The following ITPR1 variants were observed in gnomAD, a reference collection of about 807,000 sequenced individuals.
ITPR1 encodes the protein inositol 1,4,5-trisphosphate-gated calcium channel ITPR1.
Under a neutral mutation model 318.4 loss-of-function variants are expected in ITPR1, and 96 were observed. That is an observed-to-expected ratio of 0.30 (90% CI 0.26 to 0.36). ITPR1 has a LOEUF of 0.36. ITPR1 is among the 10% of genes least tolerant of loss of function. The pLI, the probability that ITPR1 is intolerant of heterozygous loss-of-function variation, is 1.00. For synonymous variants in ITPR1, 1,312 were observed against 1,289.9 expected (o/e 1.02, Z -0.37); for missense variants, 2,440 against 3,460.2 (o/e 0.71, Z 7.40).
chr3:4,712,016 T>C (rs1051105577), intron 39 of ITPR1, 148 bp downstream of exon 39: 24 of 523,516 alleles, frequency 4.6e-5, no homozygotes. Flanking sequence ...AAGCTGTTTA[T>C]CCTGCCGTTA....
rs139070932 is a variant in ITPR1 at position 4,495,706 on chromosome 3, G to A, written c.-17+1200G>A. ...GCCATGTATCTCAGAAACCCTGTGC[G>A]TCAGATGCAGGTGAAGAAACTGAGG... is the stretch of plus-strand genomic sequence containing the variant. On this transcript the variant is annotated intron_variant, in intron 2 of 61. Coordinates refer to ENST00000649015, the MANE Select transcript of ITPR1 (RefSeq NM_001378452.1). Among the ~76,000 whole-genome samples, 13 of 152,310 alleles carry A rather than the reference G, an allele frequency of 8.5e-5. No homozygotes were observed. In the East Asian group the frequency reaches 1.5e-3, roughly 18 times the overall value.
At chr3:4,554,759 G>T (rs1461816714) in intron 4 of ITPR1, among the ~76,000 whole-genome samples, 1 of 152,126 alleles carries the variant, frequency 6.6e-6, no homozygotes, top group Non-Finnish European at 1.5e-5. Context: ...ATGACAACCT[G>T]CCCCTGATTT....
chr3:4,688,758 A>G (rs1239310311), intron 31 of ITPR1, 138 bp downstream of exon 31: 6 of 809,336 alleles, frequency 7.4e-6, no homozygotes, highest in Non-Finnish European at 1.1e-5. Context: ...GAACATTTTC[A>G]TCACTTATCA....
Position 4,826,756 on chromosome 3 carries a change from G to A in ITPR1, c.8028+8514G>A, listed in dbSNP as rs1315635688. Among the ~76,000 whole-genome samples the A allele has an allele frequency of 6.6e-6, 1 of 152,160 alleles. No homozygotes were observed. The highest frequency in any genetic ancestry group is 2.4e-5 in the African/African-American group (1 of 41,438). ...TTCATTGTGAGGCACTTGGCGTTTG[G>A]GCCCCGGTTCTGCACTGACCTCCCA... On this transcript the variant is annotated intron_variant, in intron 60 of 61. Coordinates refer to ENST00000649015, the MANE Select transcript of ITPR1 (RefSeq NM_001378452.1). The surrounding 1 kb of genome is among the most constrained non-coding windows in gnomAD (Gnocchi z 4.2).
At chr3:4,567,318 G>A (rs906541061) in intron 4 of ITPR1, among the ~76,000 whole-genome samples, 3 of 152,190 alleles carry the variant, frequency 2.0e-5, no homozygotes, top group African/African-American at 4.8e-5. Context: ...TAAAAGACGT[G>A]ATTGCTAATA....
At chr3:4,707,152 G>T (rs192101862) in intron 37 of ITPR1, among the ~76,000 whole-genome samples, 68 of 152,316 alleles carry the variant, frequency 4.5e-4, no homozygotes, top group African/African-American at 1.6e-3. Flanking sequence ...CTACCTCGTG[G>T]GGTTGATGTG....
At chr3:4,635,409 C>T (rs568359627) in intron 5 of ITPR1, among the ~76,000 whole-genome samples, 10 of 152,138 alleles carry the variant, frequency 6.6e-5, no homozygotes, top group South Asian at 2.1e-4. Context: ...GGCACGATCT[C>T]GGCTCACTGC....
intron 44 of ITPR1, among the ~76,000 whole-genome samples, chr3:4,739,812 C>G (rs894135500): frequency 6.6e-6 from 1 of 152,082 alleles, no homozygotes; most frequent in Non-Finnish European, 1.5e-5. Context: ...AGGGGGTTGA[C>G]TGGTCTTAGA....
At chr3:4,795,297 T>A in intron 53 of ITPR1, 110 bp downstream of exon 53, 4 of 934,604 alleles carry the variant, frequency 4.3e-6, no homozygotes, top group South Asian at 2.7e-5. Flanking sequence ...GGATCCCAGT[T>A]ATCCACATTC....
chr3:4,654,319 C>T (rs1397578506), intron 12 of ITPR1, among the ~76,000 whole-genome samples: 1 of 152,212 alleles, frequency 6.6e-6, no homozygotes, highest in Non-Finnish European at 1.5e-5. Flanking sequence ...GGAGGTAACA[C>T]ATGAGGCTTA....
intron 44 of ITPR1, among the ~76,000 whole-genome samples, chr3:4,755,902 G>A (rs576938985): frequency 9.2e-5 from 14 of 152,232 alleles, no homozygotes; most frequent in Non-Finnish European, 1.8e-4. Flanking sequence ...TCACTTCATC[G>A]CTTCCTTTCT....
chr3:4,769,727 G>A (rs558574010), intron 46 of ITPR1, among the ~76,000 whole-genome samples: 1 of 152,354 alleles, frequency 6.6e-6, no homozygotes, highest in African/African-American at 2.4e-5. Context: ...AGTAGGACTT[G>A]AACCCAGGTA....
chr3:4,716,134 C>G (rs2041744576), intron 39 of ITPR1, among the ~76,000 whole-genome samples: 1 of 152,072 alleles, frequency 6.6e-6, no homozygotes, highest in African/African-American at 2.4e-5. Context: ...AAAATTATAT[C>G]AGGACTTTAT....
chr3:4,648,025 GC>G (rs2093502528), intron 10 of ITPR1, among the ~76,000 whole-genome samples: 2 of 152,284 alleles, frequency 1.3e-5, no homozygotes, highest in African/African-American at 4.8e-5. Flanking sequence ...GGTGGCACAT[GC>G]CTGTAATCCC....
At chr3:4,827,827 A>G (rs4685828) in intron 60 of ITPR1, among the ~76,000 whole-genome samples, 151,264 of 152,318 alleles carry the variant, frequency 0.99, 75,115 homozygotes, top group East Asian at 1. Context: ...TTTGGAGACC[A>G]TCCACATGGC....
At chr3:4,711,361 A>C (rs2041355339) in intron 38 of ITPR1, among the ~76,000 whole-genome samples, 1 of 152,096 alleles carries the variant, frequency 6.6e-6, no homozygotes, top group African/African-American at 2.4e-5. Flanking sequence ...TATTGGCCTC[A>C]ACCATCATCC....
chr3:4,588,553 G>T (rs956961137), intron 4 of ITPR1, among the ~76,000 whole-genome samples: 2 of 151,954 alleles, frequency 1.3e-5, no homozygotes, highest in African/African-American at 4.8e-5. Context: ...CTGGTCCCGG[G>T]CTTCGGCCTT....
At chr3:4,785,896 C>G (rs898551095) in intron 51 of ITPR1, among the ~76,000 whole-genome samples, 2 of 152,244 alleles carry the variant, frequency 1.3e-5, no homozygotes, top group African/African-American at 4.8e-5. Context: ...TGACCTAGCT[C>G]TCAAATCCTG....
intron 4 of ITPR1, among the ~76,000 whole-genome samples, chr3:4,572,266 T>C (rs2088093965): frequency 6.6e-6 from 1 of 152,210 alleles, no homozygotes; most frequent in African/African-American, 2.4e-5. Flanking sequence ...ATCTCAAACT[T>C]ACACCCACAT....
Sources: gnomAD v4.1 joint callset for allele counts (sites outside exome capture counted in the v4.1 genomes callset) on GRCh38, gnomAD v4.1.1 for gene constraint, Gnocchi (gnomAD v3.1) non-coding constraint, MANE v1.5 for transcripts, NCBI Gene and HGNC (gene_info 2026-07-23, HGNC 2026-07-21) for gene names.